The following GJC1 variants were observed in gnomAD, a reference collection of about 807,000 sequenced individuals.
GJC1 encodes gap junction gamma-1 protein.
Under a neutral mutation model 29.3 loss-of-function variants are expected in GJC1, and 5 were observed. The observed-to-expected ratio is 0.17, with a 90% CI of 0.09 to 0.36. GJC1 has a LOEUF of 0.36. GJC1 is among the 10% of genes least tolerant of loss of function. The pLI is 1.00. For synonymous variants in GJC1, 177 were observed against 183.3 expected (o/e 0.97, Z 0.28); for missense variants, 310 against 496.2 (o/e 0.62, Z 3.56).
rs768117358 is a variant in GJC1, at chr17:44,805,835, G to T, written c.-18C>A. 7.0e-7 allele frequency: 1 copy of T among 1,424,670 alleles called. No homozygotes were observed. Among genetic ancestry groups the T allele is most frequent in the Non-Finnish European group, 9.6e-7 (1 of 1,036,650 alleles). 88.3% of individuals were successfully genotyped at this position (1,424,670 alleles called of 1,614,324 possible). On this transcript the variant is annotated splice_region_variant and 5_prime_UTR_variant, in exon 3 of 3. Transcript: ENST00000592524. This position sits in a 1 kb window ranked among gnomAD's most constrained non-coding sequence, Gnocchi z 5.1. ...CAACTCATGGTGATTGAATTGGTATGCCCTGATAAAAGTGGAAAAATACCA... is the reference window on the plus strand; with the variant it reads ...CAACTCATGGTGATTGAATTGGTATTCCCTGATAAAAGTGGAAAAATACCA...
rs534646420 is a variant in GJC1, at chr17:44,823,554, T to C, written c.-97+6508A>G. Among the ~76,000 whole-genome samples, 3 of 151,188 alleles carry C rather than the reference T, an allele frequency of 2.0e-5. No homozygotes were observed. The South Asian group carries it at 6.3e-4, about 32-fold the overall frequency. ...CGTGAGCCACCGTACCTAGCCTCTTTCCTCCTTTTTTTTAAAATTTCTTAT... is the reference window on the plus strand; with the variant it reads ...CGTGAGCCACCGTACCTAGCCTCTTCCCTCCTTTTTTTTAAAATTTCTTAT... On this transcript the variant is annotated intron_variant, in intron 1 of 2. Transcript: ENST00000592524.
intron 1 of GJC1, among the ~76,000 whole-genome samples, chr17:44,819,606 C>T (rs1030219654): frequency 6.6e-5 from 10 of 151,282 alleles, no homozygotes; most frequent in African/African-American, 2.4e-4. Context: ...TGCAGTGAGC[C>T]GAGATCACGC....
chr17:44,800,388 G>GT lies in GJC1; in HGVS notation c.*4238dup, dbSNP rs2049829778. ...CTCCCAAAGTGCTGGGATTACAGGC[G>GT]TGAGCCACCATGCCTGGCCAAAACC... On this transcript the variant is annotated 3_prime_UTR_variant, in exon 3 of 3. Coordinates refer to ENST00000592524, the MANE Select transcript of GJC1 (RefSeq NM_005497.4). 6.6e-6 allele frequency: 1 copy of GT among 152,176 alleles called. No homozygotes were observed. The highest frequency in any genetic ancestry group is 2.1e-4 in the South Asian group (1 of 4,834). The allele number at this position is 152,176 out of a possible 1,614,324, so 9.4% of individuals were successfully genotyped here.
In GJC1 at chr17:44,821,884, A is replaced by C. The variant is rs549719309; in HGVS notation, c.-97+8178T>G. Among the ~76,000 whole-genome samples, 5 of 151,862 alleles carry C rather than the reference A, an allele frequency of 3.3e-5. No individual in the cohort carries two copies. The East Asian group carries it at 7.8e-4, about 24-fold the overall frequency. The stretch of plus-strand genomic sequence containing the variant: ...TTAGTAATTTACCCTAAACAAATAC[A>C]GGGCATTTATTATAAGAAACACATA... On this transcript the variant is annotated intron_variant, in intron 1 of 2. Transcript: ENST00000592524.
rs555458466 is a variant in GJC1, at chr17:44,804,594, C to A, written c.*33G>T. On this transcript the variant is annotated 3_prime_UTR_variant, in exon 3 of 3. Transcript: ENST00000592524. ...TCAGTGAGCTGCTGCTTACCATAAA[C>A]TATGAAAAGCACAGGTTTTAAGCCC... 72 of 1,474,460 alleles carry A rather than the reference C, an allele frequency of 4.9e-5. No homozygotes were observed. The South Asian group carries it at 8.7e-4, about 18-fold the overall frequency. The allele number at this position is 1,474,460 out of a possible 1,614,324, so 91.3% of individuals were successfully genotyped here.
chr17:44,820,227 G>T (rs2050092742), intron 1 of GJC1, among the ~76,000 whole-genome samples: 1 of 152,176 alleles, frequency 6.6e-6, no homozygotes, highest in African/African-American at 2.4e-5. Flanking sequence ...CTCCCAAAGT[G>T]CTGGGATTAC....
chr17:44,798,060 G>A (rs1050203437), downstream of GJC1, among the ~76,000 whole-genome samples: 1 of 152,130 alleles, frequency 6.6e-6, no homozygotes, highest in Non-Finnish European at 1.5e-5. Context: ...CTCCAGAACC[G>A]AGGGAAGTCA....
In GJC1 at chr17:44,808,462, C is replaced by T. The variant is rs1319208769; in HGVS notation, c.-96-993G>A. Among the ~76,000 whole-genome samples, 4 of 151,244 alleles carry T rather than the reference C, an allele frequency of 2.6e-5. 1 individual carries two copies. Among genetic ancestry groups the T allele is most frequent in the South Asian group, 4.2e-4 (2 of 4,774 alleles). ...ACACACACACACACACACACACACA[C>T]GGCCCAGCACAGTGGCTCTGGCTCA... On this transcript the variant is annotated intron_variant, in intron 1 of 2. Transcript: ENST00000592524.
chr17:44,799,307 G>A lies in GJC1; in HGVS notation c.*5320C>T, dbSNP rs2049813634. 1 of 152,240 alleles carries A rather than the reference G, an allele frequency of 6.6e-6. No homozygotes were observed. The highest frequency in any genetic ancestry group is 2.4e-5 in the African/African-American group (1 of 41,416). 9.4% of individuals were successfully genotyped at this position (152,240 alleles called of 1,614,324 possible). Reference sequence around the variant, plus strand: ...AGCAACCTCTGCCTTCCAGGTTCAAGGAAATCTCATGCCTCAACATCCCGA... The same window carrying A: ...AGCAACCTCTGCCTTCCAGGTTCAAAGAAATCTCATGCCTCAACATCCCGA... On this transcript the variant is annotated 3_prime_UTR_variant, in exon 3 of 3. Coordinates refer to ENST00000592524, the MANE Select transcript of GJC1 (RefSeq NM_005497.4).
chr17:44,798,625 T>C lies in GJC1; in HGVS notation c.*6002A>G, dbSNP rs1273525729. 1 of 152,240 alleles carries C rather than the reference T, an allele frequency of 6.6e-6. No homozygotes were observed. Among genetic ancestry groups the C allele is most frequent in the Admixed American group, 6.5e-5 (1 of 15,282 alleles). The allele number at this position is 152,240 out of a possible 1,614,324, so 9.4% of individuals were successfully genotyped here. A position where few individuals can be genotyped will look rare whatever the true frequency, so the allele number is the denominator to read the frequency against. On this transcript the variant is annotated 3_prime_UTR_variant, in exon 3 of 3. Transcript: ENST00000592524. ...TTAGCTGTTCATGCAATATCCAAAC[T>C]GCACACCACATGACATTAGATTGCT... is the stretch of plus-strand genomic sequence containing the variant.
At position 44,804,833 on chromosome 17, in the gene GJC1, C is replaced by T; in HGVS notation, c.985G>A (p.Glu329Lys). The change falls in exon 3 of 3, where the codon GAG becomes AAG. Residue 329 changes from glutamate (E) to lysine (K), a missense_variant. Coordinates refer to ENST00000592524, the MANE Select transcript of GJC1 (RefSeq NM_005497.4). ...GCCTCCAGGTCAGCTGGGAGGTTCTCCTCATGGCTGCCATACTGCTGTTCC... is the reference window on the plus strand; with the variant it reads ...GCCTCCAGGTCAGCTGGGAGGTTCTTCTCATGGCTGCCATACTGCTGTTCC... ...AQEQQYGSHEENLPADLEALQ... is the reference protein window; with the variant it reads ...AQEQQYGSHEKNLPADLEALQ... 1.2e-6 allele frequency: 2 copies of T among 1,614,224 alleles called. No individual in the cohort carries two copies. The highest frequency in any genetic ancestry group is 1.7e-6 in the Non-Finnish European group (2 of 1,180,036).
At position 44,807,446 on chromosome 17, in the gene GJC1, G is replaced by C. The variant is rs1157069051; in HGVS notation, c.-73C>G. On this transcript the variant is annotated 5_prime_UTR_variant, in exon 2 of 3. It adds an upstream start codon to the 5' untranslated region. Transcript: ENST00000592524. ...AATTTTCTTAGAGAAATGATGTTTTGATTGCAATTTTTCCAGATTCCCTCT... is the reference window on the plus strand; with the variant it reads ...AATTTTCTTAGAGAAATGATGTTTTCATTGCAATTTTTCCAGATTCCCTCT... 6.6e-6 allele frequency: 1 copy of C among 151,532 alleles called. No individual in the cohort carries two copies. Among genetic ancestry groups the C allele is most frequent in the Non-Finnish European group, 1.5e-5 (1 of 67,928 alleles). 9.4% of individuals were successfully genotyped at this position (151,532 alleles called of 1,614,324 possible). A position where few individuals can be genotyped will look rare whatever the true frequency, so the allele number is the denominator to read the frequency against.
Position 44,804,709 on chromosome 17 carries a change from G to A in GJC1, c.1109C>T (p.Ala370Val). The A allele has an allele frequency of 6.2e-7, 1 of 1,614,156 alleles. No individual in the cohort carries two copies. Among genetic ancestry groups the A allele is most frequent in the Non-Finnish European group, 8.5e-7 (1 of 1,180,024 alleles). Residue 370 changes from alanine to valine, a missense_variant, in exon 3 of 3, where the codon GCC (alanine) becomes GTC (valine). Ala to Val is a moderately conservative substitution (Grantham distance 64, BLOSUM62 0). Transcript: ENST00000592524. ...GGACCCAGCTTTGGACCCCACTTTGGCCTTCTTCTCCCGGGGACCATGAGG... is the reference window on the plus strand; with the variant it reads ...GGACCCAGCTTTGGACCCCACTTTGACCTTCTTCTCCCGGGGACCATGAGG... The part of the protein sequence containing the change: ...NNPHGPREKK[A>V]KVGSKAGSNK...
chr17:44,810,892 C>T (rs1182267998), intron 1 of GJC1, among the ~76,000 whole-genome samples: 1 of 152,090 alleles, frequency 6.6e-6, no homozygotes, highest in Non-Finnish European at 1.5e-5. Flanking sequence ...CCCACCTTAG[C>T]CCCCTGCAGT....
chr17:44,830,602 G>C (rs1597769132), upstream of GJC1: 17 of 398,554 alleles, frequency 4.3e-5, no homozygotes, highest in East Asian at 6.1e-4. This position sits in a 1 kb window ranked among gnomAD's most constrained non-coding sequence, Gnocchi z 4.3. Context: ...CTCAGTTTGA[G>C]CGGGCCGCTA....
intron 1 of GJC1, among the ~76,000 whole-genome samples, chr17:44,827,295 T>C (rs919381691): frequency 2.0e-5 from 3 of 151,766 alleles, no homozygotes; most frequent in Non-Finnish European, 2.9e-5. Flanking sequence ...GATAGCACCA[T>C]TGCACTCCAG....
intron 1 of GJC1, among the ~76,000 whole-genome samples, chr17:44,826,052 C>G (rs999683434): frequency 2.0e-5 from 3 of 152,068 alleles, no homozygotes; most frequent in Non-Finnish European, 4.4e-5. Context: ...TCCCGAGTAG[C>G]TGGGATTACA....
At chr17:44,814,125 T>C (rs2050015019) in intron 1 of GJC1, among the ~76,000 whole-genome samples, 1 of 151,944 alleles carries the variant, frequency 6.6e-6, no homozygotes, top group Non-Finnish European at 1.5e-5. Flanking sequence ...TCCACTGAAG[T>C]TTCCTTTCCC....
chr17:44,795,904 G>A (rs1555555102), downstream of GJC1, among the ~76,000 whole-genome samples: 1 of 152,230 alleles, frequency 6.6e-6, no homozygotes, highest in Admixed American at 6.5e-5. Context: ...TGGGCTTGGA[G>A]AATGAGTGCA....
Sources: allele counts gnomAD v4.1 joint callset (sites outside exome capture counted in the v4.1 genomes callset), GRCh38; gene constraint gnomAD v4.1.1; non-coding constraint Gnocchi (gnomAD v3.1); transcripts MANE v1.5; gene names NCBI Gene and HGNC (gene_info 2026-07-23, HGNC 2026-07-21).